PPIL2: variants seen among roughly 807,000 people sequenced by gnomAD.
PPIL2 encodes peptidylprolyl isomerase like 2.
A neutral mutation model predicts 75.2 loss-of-function variants in PPIL2; 50 were observed. The ratio of observed to expected loss-of-function variants is 0.66; its 90% CI spans 0.53 to 0.84. PPIL2 has a LOEUF of 0.84. Among genes scored for constraint, PPIL2 ranks in the 40% least tolerant of loss-of-function variants. PPIL2 has a pLI of 0.00. For missense variants in PPIL2, 590 were observed against 685.0 expected (o/e 0.86, Z 1.55); for synonymous variants, 245 against 258.8 (o/e 0.95, Z 0.51).
In PPIL2 at chr22:21,695,060, C is replaced by G; in HGVS notation, c.1456C>G (p.Pro486Ala). The change falls in exon 19 of 20, where the codon CCA becomes GCA. Residue 486 changes from proline (P) to alanine (A), a missense_variant. By Grantham distance (27) the Pro-to-Ala change is conservative. Transcript: ENST00000398831. ...FRQGVGKYIN[P>A]AATKRAAEEE... ...CCAGGGCGTGGGCAAGTACATCAAC[C>G]CAGCAGCCACGTGAGTGCCGCGGGG... The G allele has an allele frequency of 6.2e-7, 1 of 1,607,316 alleles. No homozygotes were observed. The highest frequency in any genetic ancestry group is 8.5e-7 in the Non-Finnish European group (1 of 1,179,078).
At chr22:21,670,017 G>A in intron 2 of PPIL2, 55 bp downstream of exon 2, 7 of 1,508,986 alleles carry the variant, frequency 4.6e-6, no homozygotes, top group Non-Finnish European at 5.5e-6. Context: ...AAGGAACTGT[G>A]TCTTCAGGAT....
At chr22:21,692,639 A>C (rs1235475561) in intron 15 of PPIL2, among the ~76,000 whole-genome samples, 1 of 151,516 alleles carries the variant, frequency 6.6e-6, no homozygotes, top group Admixed American at 6.6e-5. Flanking sequence ...TTAAAGTCCA[A>C]AGTTGGCCAG....
chr22:21,682,925 G>A (rs908118869), intron 8 of PPIL2, among the ~76,000 whole-genome samples: 5 of 152,194 alleles, frequency 3.3e-5, no homozygotes, highest in Non-Finnish European at 7.3e-5. Context: ...ATGAATGCTC[G>A]TTAGCCATGT....
intron 6 of PPIL2, among the ~76,000 whole-genome samples, chr22:21,680,187 C>T (rs908967087): frequency 3.3e-5 from 5 of 151,922 alleles, no homozygotes; most frequent in Non-Finnish European, 7.4e-5. Context: ...GAAGTGGGCA[C>T]TTTGACAGGG....
At chr22:21,688,156 G>T in intron 14 of PPIL2, 50 bp downstream of exon 14, 1 of 1,609,518 alleles carries the variant, frequency 6.2e-7, no homozygotes, top group Non-Finnish European at 8.5e-7. Flanking sequence ...TGCTCCGTGG[G>T]GCATGAGGGG....
In PPIL2 at chr22:21,681,318, G is replaced by T. The variant is rs138404533; in HGVS notation, c.315G>T (p.Val105=). 6.2e-7 allele frequency: 1 copy of T among 1,614,024 alleles called. No homozygotes were observed. The highest frequency in any genetic ancestry group is 8.5e-7 in the Non-Finnish European group (1 of 1,179,852). ...CTCTAGGGAAGTACCACTGCCCAGTGCTGTTTACCGTGTTCACCAACAACA... is the reference window on the plus strand; with the variant it reads ...CTCTAGGGAAGTACCACTGCCCAGTTCTGTTTACCGTGTTCACCAACAACA... ...KNSEGKYHCP[V]LFTVFTNNTH... The change falls in exon 7 of 20, where the codon GTG becomes GTT. Residue 105 remains valine, a synonymous_variant. Coordinates refer to ENST00000398831, the MANE Select transcript of PPIL2 (RefSeq NM_014337.4).
chr22:21,669,346 G>T (rs761088439), intron 1 of PPIL2: 17 of 451,638 alleles, frequency 3.8e-5, no homozygotes, highest in Middle Eastern at 3.4e-4. Flanking sequence ...ACAGATTCTC[G>T]CTTTGTTGCC....
Position 21,683,179 on chromosome 22 carries a change from C to T in PPIL2, c.478-3C>T, listed in dbSNP as rs1601554524. 3 of 1,612,378 alleles carry T rather than the reference C, an allele frequency of 1.9e-6. No homozygotes were observed. In the East Asian group the frequency reaches 6.7e-5, roughly 36 times the overall value. On this transcript the variant is annotated splice_region_variant and splice_polypyrimidine_tract_variant and intron_variant, in intron 8 of 19. Transcript: ENST00000398831. The stretch of plus-strand genomic sequence containing the variant: ...TCTGCTGGGCATTCTCTTTTTGCCA[C>T]AGGACCCCACCAATTTGGACAAGTT...
intron 6 of PPIL2, among the ~76,000 whole-genome samples, chr22:21,680,479 C>T (rs1669115): frequency 0.25 from 37,490 of 151,706 alleles, 4,652 homozygotes; most frequent in Middle Eastern, 0.32. Context: ...TGCAGTGAGC[C>T]GAGATCACGC....
At chr22:21,695,367 G>C (rs2067876962) in intron 19 of PPIL2, 27 bp from the exon 20 acceptor site, 1 of 1,576,388 alleles carries the variant, frequency 6.3e-7, no homozygotes, top group African/African-American at 1.3e-5. Context: ...GAGGGTGTGG[G>C]CTCCCAGCGG....
Position 21,695,063 on chromosome 22 carries a change from G to T in PPIL2, c.1459G>T (p.Ala487Ser). The T allele has an allele frequency of 6.2e-7, 1 of 1,606,538 alleles. No homozygotes were observed. Among genetic ancestry groups the T allele is most frequent in the Non-Finnish European group, 8.5e-7 (1 of 1,178,908 alleles). Residue 487 changes from alanine to serine, a missense_variant, in exon 19 of 20, where the codon GCA becomes TCA. Physicochemically the swap from Ala to Ser is moderately conservative, Grantham distance 99. Transcript: ENST00000398831. ...GGGCGTGGGCAAGTACATCAACCCAGCAGCCACGTGAGTGCCGCGGGGCTG... is the reference window on the plus strand; with the variant it reads ...GGGCGTGGGCAAGTACATCAACCCATCAGCCACGTGAGTGCCGCGGGGCTG... ...RQGVGKYINP[A>S]ATKRAAEEEP...
intron 12 of PPIL2, 125 bp downstream of exon 12, chr22:21,687,123 G>T: frequency 1.1e-6 from 1 of 910,496 alleles, no homozygotes; most frequent in Non-Finnish European, 1.7e-6. Context: ...CTGTCACTAG[G>T]CGGGACCCGC....
At chr22:21,694,416 G>A (rs1023130216) in intron 16 of PPIL2, among the ~76,000 whole-genome samples, 177 bp from the exon 17 acceptor site, 1 of 152,022 alleles carries the variant, frequency 6.6e-6, no homozygotes, top group East Asian at 1.9e-4. Flanking sequence ...TATGCCCAGG[G>A]CCATGGTCAG....
At chr22:21,688,159 A>G (rs2067458126) in intron 14 of PPIL2, 53 bp downstream of exon 14, 48 of 1,608,202 alleles carry the variant, frequency 3.0e-5, no homozygotes, top group Non-Finnish European at 4.0e-5. Flanking sequence ...TCCGTGGGGC[A>G]TGAGGGGGTA....
rs756931989 is a variant in PPIL2, at chr22:21,688,820, CT to C, written c.1111del (p.Ser371ProfsTer37). 6 of 1,614,232 alleles carry C rather than the reference CT, an allele frequency of 3.7e-6. No homozygotes were observed. Among genetic ancestry groups the C allele is most frequent in the Non-Finnish European group, 5.1e-6 (6 of 1,180,030 alleles). On this transcript the variant is annotated frameshift_variant, in exon 15 of 20. Coordinates refer to ENST00000398831, the MANE Select transcript of PPIL2 (RefSeq NM_014337.4). LOFTEE classifies it high-confidence loss of function. ...GCCGCGGCATCCTCAGCATGGCCAA[CT>C]CCGGGCCCAACAGCAACAGGTCTCA... is the stretch of plus-strand genomic sequence containing the variant. ...TGRGILSMAN[S>X]GPNSNRSQFF...
intron 6 of PPIL2, among the ~76,000 whole-genome samples, chr22:21,678,695 TA>T (rs2066978000): frequency 6.6e-6 from 1 of 152,072 alleles, no homozygotes. Flanking sequence ...AGCCCCAATT[TA>T]AAAAACAGTT....
At chr22:21,670,286 A>G (rs1406996749) in intron 2 of PPIL2, 1 of 1,434,136 alleles carries the variant, frequency 7.0e-7, no homozygotes, top group East Asian at 2.6e-5. Context: ...AAAAAGAATG[A>G]TAATATTTTC....
At chr22:21,688,027 C>T in intron 13 of PPIL2, 46 bp from the exon 14 acceptor site, 4 of 1,613,608 alleles carry the variant, frequency 2.5e-6, no homozygotes, top group Non-Finnish European at 2.5e-6. Context: ...GGCGGTGGGC[C>T]TCGGGTCTCA....
intron 6 of PPIL2, 25 bp from the exon 7 acceptor site, chr22:21,681,274 C>T (rs1270373293): frequency 1.9e-6 from 3 of 1,574,782 alleles, no homozygotes; most frequent in Non-Finnish European, 2.6e-6. Flanking sequence ...GGTGACTGGC[C>T]TCCCTGTGTG....
Sources: gnomAD v4.1 joint callset for allele counts (sites outside exome capture counted in the v4.1 genomes callset) on GRCh38, gnomAD v4.1.1 for gene constraint, MANE v1.5 for transcripts, NCBI Gene and HGNC (gene_info 2026-07-23, HGNC 2026-07-21) for gene names.